The following IFT57 variants were observed in gnomAD, a reference collection of about 807,000 sequenced individuals.
The protein encoded by IFT57 is intraflagellar transport protein 57 homolog.
In IFT57, 59 loss-of-function variants were observed where a neutral mutation model predicts 56.8. The ratio of observed to expected loss-of-function variants is 1.04; its 90% confidence interval spans 0.84 to 1.29. IFT57 has a LOEUF of 1.29. Among genes scored for constraint, IFT57 ranks in the 50% most tolerant of loss-of-function variants. The probability of loss-of-function intolerance (pLI) is 0.00; values close to 1 mark genes in which losing one functional copy is unlikely to be tolerated. For synonymous variants in IFT57, 209 were observed against 186.1 expected (o/e 1.12, Z -1.00); for missense variants, 470 against 522.1 (o/e 0.90, Z 0.97).
At chr3:108,176,054 A>C (rs2108311846) in intron 6 of IFT57, among the ~76,000 whole-genome samples, 1 of 151,830 alleles carries the variant, frequency 6.6e-6, no homozygotes, top group Non-Finnish European at 1.5e-5. Context: ...CCATCAAAAA[A>C]CGTTACTTCT....
At position 108,179,956 on chromosome 3, in the gene IFT57, T is replaced by A. The variant is rs528148281; in HGVS notation, c.777+11565A>T. ...ATTGTGGTGTATTTGTTGCAGGCAA[T>A]GTGGGAATAATCATGATCGCTGGAA... On this transcript the variant is annotated intron_variant, in intron 6 of 10. Coordinates refer to ENST00000264538, the MANE Select transcript of IFT57 (RefSeq NM_018010.4). Among the ~76,000 whole-genome samples, 11 of 152,096 alleles carry A rather than the reference T, an allele frequency of 7.2e-5. No homozygotes were observed. The South Asian group carries it at 1.5e-3, about 20-fold the overall frequency.
At chr3:108,210,062 G>C (rs1265150534) in intron 4 of IFT57, among the ~76,000 whole-genome samples, 1 of 152,054 alleles carries the variant, frequency 6.6e-6, no homozygotes, top group Non-Finnish European at 1.5e-5. Flanking sequence ...AAATTGTTTT[G>C]TAAACTATTA....
At chr3:108,198,432 G>C (rs1294773985) in intron 5 of IFT57, among the ~76,000 whole-genome samples, 1 of 151,966 alleles carries the variant, frequency 6.6e-6, no homozygotes, top group Non-Finnish European at 1.5e-5. Flanking sequence ...TGGTGTGTGC[G>C]TGTGTGTGTC....
At chr3:108,205,918 A>T (rs535260747) in intron 5 of IFT57, among the ~76,000 whole-genome samples, 1 of 127,530 alleles carries the variant, frequency 7.8e-6, no homozygotes, top group Non-Finnish European at 1.6e-5. Context: ...ATTAATATAT[A>T]TTATTTATAA....
chr3:108,218,002 T>TG (rs2107222769), intron 3 of IFT57, among the ~76,000 whole-genome samples: 1 of 54,208 alleles, frequency 1.8e-5, no homozygotes, highest in African/African-American at 5.1e-5. Context: ...TACCATAGGA[T>TG]AAATATAATA....
intron 4 of IFT57, among the ~76,000 whole-genome samples, chr3:108,210,617 G>A (rs1247832237): frequency 6.6e-6 from 1 of 152,020 alleles, no homozygotes; most frequent in African/African-American, 2.4e-5. Context: ...ACAGGTGTAA[G>A]CCACCACACC....
Position 108,222,226 on chromosome 3 carries a change from C to G in IFT57, c.97G>C (p.Gly33Arg). The change falls in exon 1 of 11, where the codon GGG (glycine) becomes CGG (arginine). Residue 33 changes from glycine to arginine, a missense_variant. Gly to Arg is a moderately radical substitution (Grantham distance 125, BLOSUM62 -2). Coordinates refer to ENST00000264538, the MANE Select transcript of IFT57 (RefSeq NM_018010.4). Reference protein sequence around the residue: ...EGTGEVVLERGPGAAYHMFVV... With the variant: ...EGTGEVVLERRPGAAYHMFVV... ...AACATGTGGTAGGCCGCGCCGGGCC[C>G]CCGCTCCAAGACCACTTCCCCGGTC... 1 of 1,614,160 alleles carries G rather than the reference C, an allele frequency of 6.2e-7. No homozygotes were observed. Among genetic ancestry groups the G allele is most frequent in the South Asian group, 1.1e-5 (1 of 91,088 alleles).
At chr3:108,198,976 C>T (rs1419567255) in intron 5 of IFT57, among the ~76,000 whole-genome samples, 1 of 152,136 alleles carries the variant, frequency 6.6e-6, no homozygotes, top group Non-Finnish European at 1.5e-5. Flanking sequence ...TTGTTAACTT[C>T]TGTGTATATT....
chr3:108,210,372 T>C (rs1408748487), intron 4 of IFT57, among the ~76,000 whole-genome samples: 1 of 144,322 alleles, frequency 6.9e-6, no homozygotes, highest in Non-Finnish European at 1.5e-5. Flanking sequence ...CTCACTCTGT[T>C]GCCCAGGCCG....
intron 5 of IFT57, among the ~76,000 whole-genome samples, chr3:108,206,279 T>C (rs917107120): frequency 6.6e-6 from 1 of 151,188 alleles, no homozygotes; most frequent in Non-Finnish European, 1.5e-5. Context: ...AATATTTTCC[T>C]ATAATCAAGA....
Position 108,219,432 on chromosome 3 carries a change from A to G in IFT57, c.353T>C (p.Ile118Thr). Reference protein sequence around the residue: ...YDDPNATISNILSELRSFGRT... With the variant: ...YDDPNATISNTLSELRSFGRT... ...TACAAATGACCGAAGCTCGGATAGT[A>G]TGTTAGATATTGTTGCATTAGGGTC... The change falls in exon 2 of 11, where the codon ATA (isoleucine) becomes ACA (threonine). Residue 118 changes from isoleucine to threonine, a missense_variant. Physicochemically the swap from Ile to Thr is moderately conservative, Grantham distance 89 (BLOSUM62 -1). Transcript: ENST00000264538. The G allele has an allele frequency of 6.2e-7, 1 of 1,613,844 alleles. No individual in the cohort carries two copies. Among genetic ancestry groups the G allele is most frequent in the Non-Finnish European group, 8.5e-7 (1 of 1,179,734 alleles).
chr3:108,194,579 A>G (rs560694187), intron 5 of IFT57, among the ~76,000 whole-genome samples: 1 of 152,302 alleles, frequency 6.6e-6, no homozygotes, highest in South Asian at 2.1e-4. Flanking sequence ...GCATTACCTG[A>G]CTTCAAATTA....
chr3:108,218,454 T>G (rs1447924917), intron 3 of IFT57, 81 bp downstream of exon 3: 3 of 552,856 alleles, frequency 5.4e-6, no homozygotes, highest in Non-Finnish European at 9.6e-6. Flanking sequence ...AATTCTTTTA[T>G]GTTCAATTGA....
intron 6 of IFT57, among the ~76,000 whole-genome samples, chr3:108,183,841 T>A (rs886766233): frequency 3.3e-5 from 5 of 152,138 alleles, no homozygotes; most frequent in African/African-American, 4.8e-5. Context: ...TAATCAAAAT[T>A]ACAGAAAGTA....
rs186434683 is a variant in IFT57 at position 108,206,616 on chromosome 3, G to C, written c.654+12C>G. 7.8e-7 allele frequency: 1 copy of C among 1,283,740 alleles called. No homozygotes were observed. The highest frequency in any genetic ancestry group is 2.4e-5 in the Admixed American group (1 of 41,012). 79.5% of individuals were successfully genotyped at this position (1,283,740 alleles called of 1,614,324 possible). On this transcript the variant is annotated intron_variant, in intron 5 of 10. Coordinates refer to ENST00000264538, the MANE Select transcript of IFT57 (RefSeq NM_018010.4). Reference sequence around the variant, plus strand: ...TTGCTTGTTGGTCCTGCATGTATCTGATGAAACTTACCAAGTGATATGTCT... The same window carrying C: ...TTGCTTGTTGGTCCTGCATGTATCTCATGAAACTTACCAAGTGATATGTCT...
intron 5 of IFT57, among the ~76,000 whole-genome samples, chr3:108,206,283 AT>A (rs2080313684): frequency 6.6e-6 from 1 of 151,096 alleles, no homozygotes. Context: ...TTTTCCTATA[AT>A]CAAGATCATT....
At chr3:108,191,083 G>C (rs549669171) in intron 6 of IFT57, among the ~76,000 whole-genome samples, 1 of 152,218 alleles carries the variant, frequency 6.6e-6, no homozygotes, top group African/African-American at 2.4e-5. Flanking sequence ...GAGCCATGGC[G>C]CCTGGCCAGC....
intron 6 of IFT57, among the ~76,000 whole-genome samples, chr3:108,189,657 T>C (rs1391567162): frequency 6.6e-6 from 1 of 152,158 alleles, no homozygotes; most frequent in African/African-American, 2.4e-5. Flanking sequence ...TAGAATAGTA[T>C]TGCCTAGTTA....
chr3:108,177,728 T>C (rs1377917957), intron 6 of IFT57, among the ~76,000 whole-genome samples: 1 of 151,772 alleles, frequency 6.6e-6, no homozygotes, highest in East Asian at 1.9e-4. Context: ...TACAGGATAT[T>C]TCTAAAAGAC....
Sources: gnomAD v4.1 joint callset for allele counts (sites outside exome capture counted in the v4.1 genomes callset) on GRCh38, gnomAD v4.1.1 for gene constraint, MANE v1.5 for transcripts, NCBI Gene and HGNC (gene_info 2026-07-23, HGNC 2026-07-21) for gene names.